The following FGL2 variants were observed in gnomAD, a reference collection of about 807,000 sequenced individuals.
FGL2 encodes fibroleukin.
In FGL2, 21 loss-of-function variants were observed where a neutral mutation model predicts 36.0. That is an observed-to-expected ratio of 0.58 (90% CI 0.41 to 0.84). The LOEUF is 0.84. Ranked by LOEUF, FGL2 falls within the 40% of genes least tolerant of loss-of-function variation. The pLI is 0.00. For synonymous variants in FGL2, 183 were observed against 190.7 expected (o/e 0.96, Z 0.33); for missense variants, 444 against 526.3 (o/e 0.84, Z 1.53).
At position 77,196,462 on chromosome 7, in the gene FGL2, C is replaced by T; in HGVS notation, c.1137G>A (p.Trp379Ter). Residue 379 changes from tryptophan to a stop codon, truncating the protein, a stop_gained, in exon 2 of 2, where the codon TGG (tryptophan) becomes TGA (stop). Transcript: ENST00000248598. LOFTEE classifies it high-confidence loss of function. This position sits in a 1 kb window ranked among gnomAD's most constrained non-coding sequence, Gnocchi z 4.2. ...TTGCAGAAAGACATGCATCAAACCACCAGCCTGAACTGTAGTACAGCCCAC... is the reference window on the plus strand; with the variant it reads ...TTGCAGAAAGACATGCATCAAACCATCAGCCTGAACTGTAGTACAGCCCAC... ...GNCGLYYSSG[W>*]WFDACLSANL... 6.2e-7 allele frequency: 1 copy of T among 1,614,162 alleles called. No individual in the cohort carries two copies. The highest frequency in any genetic ancestry group is 8.5e-7 in the Non-Finnish European group (1 of 1,180,028).
chr7:77,197,142 C>A (rs1791889445), intron 1 of FGL2, among the ~76,000 whole-genome samples, 157 bp from the exon 2 acceptor site: 1 of 152,164 alleles, frequency 6.6e-6, no homozygotes, highest in Admixed American at 6.6e-5. Flanking sequence ...ATGCTTAAGG[C>A]CTCACAAGAA....
chr7:77,199,786 A>G lies in FGL2; in HGVS notation c.8T>C (p.Leu3Pro), dbSNP rs567419778. The G allele has an allele frequency of 9.9e-6, 16 of 1,613,744 alleles. No individual in the cohort carries two copies. In the South Asian group the frequency reaches 1.8e-4, roughly 18 times the overall value. The change falls in exon 1 of 2, where the codon CTG (leucine) becomes CCG (proline). Residue 3 changes from leucine (L) to proline (P), a missense_variant. Physicochemically the swap from Leu to Pro is moderately conservative, Grantham distance 98 (BLOSUM62 -3). Transcript: ENST00000248598. ...TGAGCTCAGCCAGTACCAGTTAGCCAGCTTCATCTTTACAGTGCTGCTCAC... is the reference window on the plus strand; with the variant it reads ...TGAGCTCAGCCAGTACCAGTTAGCCGGCTTCATCTTTACAGTGCTGCTCAC... The part of the protein sequence containing the change: MK[L>P]ANWYWLSSAV...
At position 77,199,176 on chromosome 7, in the gene FGL2, C is replaced by T. The variant is rs752035267; in HGVS notation, c.613+5G>A. The stretch of plus-strand genomic sequence containing the variant: ...CATATGATAAGAAAACATTATTATA[C>T]ATACCTGGACGTGACTGTATTTGTT... On this transcript the variant is annotated splice_donor_5th_base_variant and intron_variant, in intron 1 of 1. Coordinates refer to ENST00000248598, the MANE Select transcript of FGL2 (RefSeq NM_006682.3). 1.2e-6 allele frequency: 2 copies of T among 1,609,536 alleles called. No individual in the cohort carries two copies. Among genetic ancestry groups the T allele is most frequent in the South Asian group, 1.1e-5 (1 of 90,614 alleles).
At chr7:77,198,988 CTA>C (rs1198491610) in intron 1 of FGL2, 191 bp downstream of exon 1, 2 of 594,514 alleles carry the variant, frequency 3.4e-6, no homozygotes, top group Non-Finnish European at 5.8e-6. Context: ...ACAGAACTAA[CTA>C]TGATTTTTGT....
In FGL2 at chr7:77,199,757, C is replaced by CAGCTG. The variant is rs1465843138; in HGVS notation, c.32_36dup (p.Val13GlnfsTer31). ...ACCAAAAAACCGTAAGTGGCAAGAA[C>CAGCTG]AGCTGAGCTCAGCCAGTACCAGTTA... On this transcript the variant is annotated frameshift_variant, in exon 1 of 2. Coordinates refer to ENST00000248598, the MANE Select transcript of FGL2 (RefSeq NM_006682.3). LOFTEE classifies it high-confidence loss of function. 6.2e-7 allele frequency: 1 copy of CAGCTG among 1,614,088 alleles called. No homozygotes were observed. The highest frequency in any genetic ancestry group is 8.5e-7 in the Non-Finnish European group (1 of 1,179,966).
In FGL2 at chr7:77,196,423, T is replaced by TTTGC; in HGVS notation, c.1172_1175dup (p.Tyr393GlnfsTer12). ...CACCTCTGTATTTTTGGTGATAATA[T>TTTGC]TTGCCATTTAAGTTTGCAGAAAGAC... On this transcript the variant is annotated frameshift_variant, in exon 2 of 2. Coordinates refer to ENST00000248598, the MANE Select transcript of FGL2 (RefSeq NM_006682.3). LOFTEE classifies it high-confidence loss of function. This position sits in a 1 kb window ranked among gnomAD's most constrained non-coding sequence, Gnocchi z 4.2. 1 of 1,614,132 alleles carries TTTGC rather than the reference T, an allele frequency of 6.2e-7. No homozygotes were observed. Among genetic ancestry groups the TTTGC allele is most frequent in the Non-Finnish European group, 8.5e-7 (1 of 1,180,016 alleles).
chr7:77,199,572 C>T lies in FGL2; in HGVS notation c.222G>A (p.Arg74=). 6.2e-7 allele frequency: 1 copy of T among 1,614,160 alleles called. No individual in the cohort carries two copies. The highest frequency in any genetic ancestry group is 1.6e-4 in the Middle Eastern group (1 of 6,062). The change falls in exon 1 of 2, where the codon AGG becomes AGA. Residue 74 remains arginine, a synonymous_variant. Coordinates refer to ENST00000248598, the MANE Select transcript of FGL2 (RefSeq NM_006682.3). ...LTIQLPKQFS[R]IEEVFKEVQN... Reference sequence around the variant, plus strand: ...GGACTTCTTTGAACACCTCCTCGATCCTGCTGAATTGCTTCGGGAGCTGAA... The same window carrying T: ...GGACTTCTTTGAACACCTCCTCGATTCTGCTGAATTGCTTCGGGAGCTGAA...
chr7:77,195,506 T>G lies in FGL2; in HGVS notation c.*773A>C, dbSNP rs1035323650. On this transcript the variant is annotated 3_prime_UTR_variant, in exon 2 of 2. Coordinates refer to ENST00000248598, the MANE Select transcript of FGL2 (RefSeq NM_006682.3). ...GAACCAAAATGCTGTAGGGTTGTTC[T>G]GTTGCAAAGTAAATGATATAGATTA... 2 of 152,194 alleles carry G rather than the reference T, an allele frequency of 1.3e-5. No homozygotes were observed. 9.4% of individuals were successfully genotyped at this position (152,194 alleles called of 1,614,324 possible).
rs867952756 is a variant in FGL2 at position 77,196,545 on chromosome 7, C to T, written c.1054G>A (p.Asp352Asn). ...TCTGGAGTGGTGAAAAACTTCAGATCGTGGTTGTAATGTTTGTTGAAACGT... is the reference window on the plus strand; with the variant it reads ...TCTGGAGTGGTGAAAAACTTCAGATTGTGGTTGTAATGTTTGTTGAAACGT... ...ALRFNKHYNH[D>N]LKFFTTPDKD... The change falls in exon 2 of 2, where the codon GAT becomes AAT. Residue 352 changes from aspartate (D) to asparagine (N), a missense_variant. By Grantham distance (23) the Asp-to-Asn change is conservative. Coordinates refer to ENST00000248598, the MANE Select transcript of FGL2 (RefSeq NM_006682.3). This position sits in a 1 kb window ranked among gnomAD's most constrained non-coding sequence, Gnocchi z 4.2. 16 of 1,614,080 alleles carry T rather than the reference C, an allele frequency of 9.9e-6. No homozygotes were observed. The highest frequency in any genetic ancestry group is 1.1e-5 in the Non-Finnish European group (13 of 1,179,988).
Position 77,194,704 on chromosome 7 carries a change from C to T in FGL2, c.*1575G>A, listed in dbSNP as rs1272561143. ...TTGGTTAGTGTATTAGAAACAGACACCAGAAATTAAAAAAATTATTTCTAG... is the reference window on the plus strand; with the variant it reads ...TTGGTTAGTGTATTAGAAACAGACATCAGAAATTAAAAAAATTATTTCTAG... On this transcript the variant is annotated 3_prime_UTR_variant, in exon 2 of 2. Coordinates refer to ENST00000248598, the MANE Select transcript of FGL2 (RefSeq NM_006682.3). 1 of 151,952 alleles carries T rather than the reference C, an allele frequency of 6.6e-6. No individual in the cohort carries two copies. The highest frequency in any genetic ancestry group is 1.5e-5 in the Non-Finnish European group (1 of 67,936). The allele number at this position is 151,952 out of a possible 1,614,324, so 9.4% of individuals were successfully genotyped here.
Position 77,199,331 on chromosome 7 carries a change from G to T in FGL2, c.463C>A (p.His155Asn). The T allele has an allele frequency of 6.2e-7, 1 of 1,614,080 alleles. No individual in the cohort carries two copies. Among genetic ancestry groups the T allele is most frequent in the Non-Finnish European group, 8.5e-7 (1 of 1,179,994 alleles). ...KNAKEEINVL[H>N]GRLEKLNLVN... ...AGATTCAGCTTCTCCAGGCGACCAT[G>T]AAGTACATTGATCTCCTCTTTGGCA... Residue 155 changes from histidine (H) to asparagine (N), a missense_variant, in exon 1 of 2, where the codon CAT becomes AAT. Physicochemically the swap from His to Asn is moderately conservative, Grantham distance 68 (BLOSUM62 1). Coordinates refer to ENST00000248598, the MANE Select transcript of FGL2 (RefSeq NM_006682.3).
Position 77,194,827 on chromosome 7 carries a change from T to C in FGL2, c.*1452A>G, listed in dbSNP as rs1791834975. 6.6e-6 allele frequency: 1 copy of C among 152,166 alleles called. No homozygotes were observed. Among genetic ancestry groups the C allele is most frequent in the Non-Finnish European group, 1.5e-5 (1 of 67,986 alleles). The allele number at this position is 152,166 out of a possible 1,614,324, so 9.4% of individuals were successfully genotyped here. A position where few individuals can be genotyped will look rare whatever the true frequency, so the allele number is the denominator to read the frequency against. On this transcript the variant is annotated 3_prime_UTR_variant, in exon 2 of 2. Transcript: ENST00000248598. The stretch of plus-strand genomic sequence containing the variant: ...TGTTCTCTCTGAGATGATCCCTTTT[T>C]ACGATGATGAAATTAAACACATTTA...
Position 77,198,968 on chromosome 7 carries a change from T to C in FGL2, c.613+213A>G. 9.1e-6 allele frequency: 5 copies of C among 549,724 alleles called. 2 individuals carry two copies. In the South Asian group the frequency reaches 1.4e-4, roughly 15 times the overall value. 34.1% of individuals were successfully genotyped at this position (549,724 alleles called of 1,614,324 possible). On this transcript the variant is annotated intron_variant, in intron 1 of 1. Coordinates refer to ENST00000248598, the MANE Select transcript of FGL2 (RefSeq NM_006682.3). ...TAAGATCTTAAAATTGAAAGTGACT[T>C]CCAGTGGATACAGAACTAACTATGA...
rs1791933103 is a variant in FGL2 at position 77,199,232 on chromosome 7, C to T, written c.562G>A (p.Asp188Asn). Residue 188 changes from aspartate to asparagine, a missense_variant, in exon 1 of 2, where the codon GAT becomes AAT. Physicochemically the swap from Asp to Asn is conservative, Grantham distance 23. Coordinates refer to ENST00000248598, the MANE Select transcript of FGL2 (RefSeq NM_006682.3). ...CTGGGACACTTTGAACATTTGCCAT[C>T]CAAACTATTGACAACAAATGTTAGA... The part of the protein sequence containing the change: ...ANLTFVVNSL[D>N]GKCSKCPSQE... The T allele has an allele frequency of 1.9e-6, 3 of 1,613,956 alleles. No homozygotes were observed. Among genetic ancestry groups the T allele is most frequent in the Non-Finnish European group, 2.5e-6 (3 of 1,179,906 alleles).
At chr7:77,197,280 AGTGAG>A (rs1237443238) in intron 1 of FGL2, among the ~76,000 whole-genome samples, 1 of 152,266 alleles carries the variant, frequency 6.6e-6, no homozygotes, top group African/African-American at 2.4e-5. Flanking sequence ...AGTATTATGT[AGTGAG>A]GCCTACCTAT....
intron 1 of FGL2, among the ~76,000 whole-genome samples, chr7:77,197,921 T>G (rs1474414829): frequency 2.0e-5 from 3 of 152,202 alleles, no homozygotes. Flanking sequence ...TACTCCCAGA[T>G]AGTTTTTATT....
intron 1 of FGL2, among the ~76,000 whole-genome samples, chr7:77,197,755 A>G (rs1284999303): frequency 6.6e-6 from 1 of 152,218 alleles, no homozygotes; most frequent in Non-Finnish European, 1.5e-5. Context: ...ATCTTTTTCA[A>G]TGACACACCA....
At position 77,199,505 on chromosome 7, in the gene FGL2, G is replaced by C; in HGVS notation, c.289C>G (p.Gln97Glu). 6.2e-7 allele frequency: 1 copy of C among 1,614,060 alleles called. No homozygotes were observed. The highest frequency in any genetic ancestry group is 8.5e-7 in the Non-Finnish European group (1 of 1,179,996). Reference sequence around the variant, plus strand: ...TCATCAGCCTGCAGCTTGCAGTCTTGGCAAGATTTCTTTAGACTATTTACG... The same window carrying C: ...TCATCAGCCTGCAGCTTGCAGTCTTCGCAAGATTTCTTTAGACTATTTACG... ...EIVNSLKKSC[Q>E]DCKLQADDNG... is the part of the protein sequence containing the mutation. The change falls in exon 1 of 2, where the codon CAA (glutamine) becomes GAA (glutamate). Residue 97 changes from glutamine (Q) to glutamate (E), a missense_variant. By Grantham distance (29) the Gln-to-Glu change is conservative. Coordinates refer to ENST00000248598, the MANE Select transcript of FGL2 (RefSeq NM_006682.3).
Position 77,199,335 on chromosome 7 carries a change from T to G in FGL2, c.459A>C (p.Val153=). Reference sequence around the variant, plus strand: ...TCAGCTTCTCCAGGCGACCATGAAGTACATTGATCTCCTCTTTGGCATTCT... The same window carrying G: ...TCAGCTTCTCCAGGCGACCATGAAGGACATTGATCTCCTCTTTGGCATTCT... ...ELKNAKEEIN[V]LHGRLEKLNL... The change falls in exon 1 of 2, where the codon GTA becomes GTC. Residue 153 remains valine, a synonymous_variant. Transcript: ENST00000248598. The G allele has an allele frequency of 6.2e-7, 1 of 1,614,132 alleles. No individual in the cohort carries two copies. The highest frequency in any genetic ancestry group is 8.5e-7 in the Non-Finnish European group (1 of 1,180,000).
Sources: allele counts gnomAD v4.1 joint callset (sites outside exome capture counted in the v4.1 genomes callset), GRCh38; gene constraint gnomAD v4.1.1; non-coding constraint Gnocchi (gnomAD v3.1); transcripts MANE v1.5; gene names NCBI Gene and HGNC (gene_info 2026-07-23, HGNC 2026-07-21).